Variants in CLNK observed in about 807,000 individuals in gnomAD.
CLNK encodes the protein cytokine dependent hematopoietic cell linker.
Under a neutral mutation model 68.6 loss-of-function variants are expected in CLNK, and 74 were observed. That is an observed-to-expected ratio of 1.08 (90% CI 0.89 to 1.31). The LOEUF (loss-of-function observed/expected upper bound fraction) is 1.31. CLNK is among the 50% of genes most tolerant of loss of function. The probability of loss-of-function intolerance (pLI) is 0.00; values close to 1 mark genes in which losing one functional copy is unlikely to be tolerated. For missense variants in CLNK, 553 were observed against 515.3 expected, an observed-to-expected ratio of 1.07 and a Z score of -0.71; for synonymous variants, 198 against 172.2, an observed-to-expected ratio of 1.15 and a Z score of -1.17.
chr4:10,579,484 A>G (rs1403180090), intron 4 of CLNK, among the ~76,000 whole-genome samples: 4 of 152,216 alleles, frequency 2.6e-5, no homozygotes, highest in Non-Finnish European at 5.9e-5. Flanking sequence ...GATGGATCAC[A>G]TATATGACCG....
chr4:10,535,810 T>C (rs1017431010), intron 11 of CLNK, among the ~76,000 whole-genome samples: 1 of 152,184 alleles, frequency 6.6e-6, no homozygotes, highest in African/African-American at 2.4e-5. Context: ...ATTATATGTC[T>C]TTCTTTTAAG....
chr4:10,685,159 T>C (rs1725224530), upstream of CLNK: 2 of 152,116 alleles, frequency 1.3e-5, no homozygotes. Context: ...CCCAGACACA[T>C]GGACCAGGTG....
the CLNK span, among the ~76,000 whole-genome samples, chr4:10,699,529 T>TCTC: frequency 8.8e-6 from 1 of 113,726 alleles, no homozygotes; most frequent in Admixed American, 9.6e-5. Flanking sequence ...TTTTTTTTTT[T>TCTC]CTGAGACGGT....
At chr4:10,496,426 A>G (rs1577085959) in intron 18 of CLNK, among the ~76,000 whole-genome samples, 1 of 152,198 alleles carries the variant, frequency 6.6e-6, no homozygotes, top group Admixed American at 6.5e-5. Context: ...TGTGAAAAGC[A>G]TGAGGGAACT....
At chr4:10,655,839 T>C (rs1723956343) in intron 2 of CLNK, among the ~76,000 whole-genome samples, 1 of 151,722 alleles carries the variant, frequency 6.6e-6, no homozygotes, top group South Asian at 2.1e-4. Flanking sequence ...TTAGTAGAGA[T>C]GGGGTTTCAC....
At chr4:10,706,244 T>A in the CLNK span, among the ~76,000 whole-genome samples, 4 of 152,348 alleles carry the variant, frequency 2.6e-5, no homozygotes, top group East Asian at 7.7e-4. Flanking sequence ...TCCTTTGTTC[T>A]TCTCAGTTTC....
chr4:10,681,595 C>A (rs1029825439), intron 1 of CLNK, among the ~76,000 whole-genome samples: 1 of 152,162 alleles, frequency 6.6e-6, no homozygotes, highest in Non-Finnish European at 1.5e-5. Context: ...GTTTAGGAAG[C>A]AGTGTTTCAA....
intron 2 of CLNK, among the ~76,000 whole-genome samples, chr4:10,600,981 C>A (rs373295721): frequency 2.0e-5 from 3 of 152,230 alleles, no homozygotes; most frequent in African/African-American, 7.2e-5. Context: ...CTGGGAGCTA[C>A]CTCTGACCTT....
chr4:10,656,748 T>C (rs1577201043), intron 2 of CLNK, among the ~76,000 whole-genome samples: 1 of 152,350 alleles, frequency 6.6e-6, no homozygotes, highest in East Asian at 1.9e-4. Flanking sequence ...CTTTAGGACA[T>C]GTAAACTGGA....
chr4:10,513,761 G>C (rs765863285), intron 15 of CLNK, among the ~76,000 whole-genome samples, 164 bp from the exon 16 acceptor site: 1 of 151,178 alleles, frequency 6.6e-6, no homozygotes, highest in Non-Finnish European at 1.5e-5. Context: ...TCTCTGTTTT[G>C]TTCTCTACCT....
chr4:10,572,575 A>G (rs1446599090), intron 4 of CLNK, among the ~76,000 whole-genome samples: 1 of 152,184 alleles, frequency 6.6e-6, no homozygotes, highest in Admixed American at 6.5e-5. Flanking sequence ...TTTTTTAAAA[A>G]TTTCCTTTTT....
chr4:10,666,791 G>A (rs1724414006), intron 2 of CLNK, among the ~76,000 whole-genome samples: 1 of 152,238 alleles, frequency 6.6e-6, no homozygotes, highest in Non-Finnish European at 1.5e-5. Flanking sequence ...TTCATGGCAA[G>A]AGGAAGAGCA....
intron 18 of CLNK, among the ~76,000 whole-genome samples, chr4:10,496,381 C>G (rs924461568): frequency 1.3e-5 from 2 of 152,090 alleles, no homozygotes; most frequent in African/African-American, 4.8e-5. Context: ...TTTAAAGAGG[C>G]GTGATTCTTC....
intron 2 of CLNK, among the ~76,000 whole-genome samples, chr4:10,624,066 T>C (rs1722563130): frequency 6.6e-6 from 1 of 152,218 alleles, no homozygotes; most frequent in Non-Finnish European, 1.5e-5. Flanking sequence ...AAAGAACACT[T>C]TTCAGTTTCC....
chr4:10,685,144 A>T (rs924347647), upstream of CLNK: 2 of 152,126 alleles, frequency 1.3e-5, no homozygotes, highest in Non-Finnish European at 2.9e-5. Context: ...GCTTCCTGAG[A>T]CCATCCCAGA....
the CLNK span, among the ~76,000 whole-genome samples, chr4:10,715,397 C>T: frequency 6.6e-6 from 1 of 152,292 alleles, no homozygotes; most frequent in Non-Finnish European, 1.5e-5. Flanking sequence ...GAATCCAGAC[C>T]TGGGCAATTC....
chr4:10,673,170 C>T (rs562866258), intron 1 of CLNK, among the ~76,000 whole-genome samples: 174 of 152,282 alleles, frequency 1.1e-3, no homozygotes, highest in Non-Finnish European at 1.8e-3. Context: ...GAGTTTACTA[C>T]TGTATCTGCA....
chr4:10,513,324 A>G (rs1260325663), intron 16 of CLNK, 140 bp downstream of exon 16: 1 of 655,844 alleles, frequency 1.5e-6, no homozygotes, highest in Non-Finnish European at 2.4e-6. Context: ...CTTTAAAAAT[A>G]TTAAAACCCA....
intron 1 of CLNK, among the ~76,000 whole-genome samples, chr4:10,683,878 C>T (rs1300680103): frequency 6.6e-6 from 1 of 152,080 alleles, no homozygotes; most frequent in Admixed American, 6.6e-5. Flanking sequence ...AGAGAAATAG[C>T]CATGTAGGTA....
Sources: gnomAD v4.1 joint callset for allele counts (sites outside exome capture counted in the v4.1 genomes callset) on GRCh38, gnomAD v4.1.1 for gene constraint, MANE v1.5 for transcripts, NCBI Gene and HGNC (gene_info 2026-07-23, HGNC 2026-07-21) for gene names.